The following PPP2R1A variants were observed in gnomAD, a reference collection of about 807,000 sequenced individuals.
PPP2R1A encodes the protein protein phosphatase 2 scaffold subunit Aalpha, also known as serine/threonine-protein phosphatase 2A 65 kDa regulatory subunit A alpha isoform.
Under a neutral mutation model 67.1 loss-of-function variants are expected in PPP2R1A, and 15 were observed. That is an observed-to-expected ratio of 0.22 (90% CI 0.15 to 0.34). The LOEUF (loss-of-function observed/expected upper bound fraction) is 0.34. Among genes scored for constraint, PPP2R1A ranks in the 10% least tolerant of loss-of-function variants. The pLI, the probability that PPP2R1A is intolerant of heterozygous loss-of-function variation, is 1.00. For synonymous variants in PPP2R1A, 337 were observed against 325.0 expected, an observed-to-expected ratio of 1.04 and a Z score of -0.40; for missense variants, 369 against 775.0, an observed-to-expected ratio of 0.48 and a Z score of 6.22.
At chr19:52,203,639 G>T (rs1291267163) in intron 2 of PPP2R1A, among the ~76,000 whole-genome samples, 1 of 152,082 alleles carries the variant, frequency 6.6e-6, no homozygotes, top group East Asian at 1.9e-4. Flanking sequence ...CATATGTCTG[G>T]GTTTTTTTCC....
chr19:52,221,833 G>A (rs1424800903), intron 12 of PPP2R1A, among the ~76,000 whole-genome samples: 1 of 152,158 alleles, frequency 6.6e-6, no homozygotes. Flanking sequence ...TCTCTGGAGA[G>A]CATTGCTTTA....
Position 52,213,258 on chromosome 19 carries a change from C to T in PPP2R1A, c.807+148C>T, listed in dbSNP as rs372335645. The stretch of plus-strand genomic sequence containing the variant: ...TCTCTATGATCATCTAACTGCGTCT[C>T]GCTTCGTGTGCCAATCCTGGTTGAT... On this transcript the variant is annotated intron_variant, in intron 6 of 14. Transcript: ENST00000322088. The surrounding 1 kb of genome is among the most constrained non-coding windows in gnomAD (Gnocchi z 4.2). 1.7e-5 allele frequency: 18 copies of T among 1,065,232 alleles called. No homozygotes were observed. The highest frequency in any genetic ancestry group is 4.2e-5 in the South Asian group (2 of 47,358). 66.0% of individuals were successfully genotyped at this position (1,065,232 alleles called of 1,614,324 possible).
In PPP2R1A at chr19:52,190,135, C is replaced by CG; in HGVS notation, c.40dup (p.Ala14GlyfsTer10). ...ACGGCGACGACTCGCTGTACCCCAT[C>CG]GCGGTGCTCATAGACGAACTCCGCA... On this transcript the variant is annotated frameshift_variant, in exon 1 of 15. Transcript: ENST00000322088. LOFTEE classifies it high-confidence loss of function. 6.4e-7 allele frequency: 1 copy of CG among 1,550,742 alleles called. No individual in the cohort carries two copies.
In PPP2R1A at chr19:52,213,382, G is replaced by T. The variant is rs2089692546; in HGVS notation, c.807+272G>T. ...ACAGGAGCAGAGAAGGGTAGCACAT[G>T]TGGGGTGTTCCTGACATAATCAAGC... On this transcript the variant is annotated intron_variant, in intron 6 of 14. Coordinates refer to ENST00000322088, the MANE Select transcript of PPP2R1A (RefSeq NM_014225.6). The surrounding 1 kb of genome is among the most constrained non-coding windows in gnomAD (Gnocchi z 4.2). Among the ~76,000 whole-genome samples, 1 of 151,352 alleles carries T rather than the reference G, an allele frequency of 6.6e-6. No homozygotes were observed. The highest frequency in any genetic ancestry group is 1.5e-5 in the Non-Finnish European group (1 of 67,910).
At chr19:52,220,109 G>T (rs1261090864) in intron 10 of PPP2R1A, 80 bp from the exon 11 acceptor site, 2 of 1,488,842 alleles carry the variant, frequency 1.3e-6, no homozygotes, top group South Asian at 2.3e-5. Flanking sequence ...GTGGGTGTAG[G>T]TTCCATGGGA....
chr19:52,211,137 T>G lies in PPP2R1A; in HGVS notation c.271-123T>G. On this transcript the variant is annotated intron_variant, in intron 3 of 14. Transcript: ENST00000322088. The surrounding 1 kb of genome is among the most constrained non-coding windows in gnomAD (Gnocchi z 5.3). ...TTTTTAAAGGCTATTTTAATGAAGG[T>G]CGGGATGGGTAATAGGGAAGTTTTC... The G allele has an allele frequency of 1.2e-6, 1 of 822,006 alleles. No homozygotes were observed. Among genetic ancestry groups the G allele is most frequent in the Non-Finnish European group, 1.9e-6 (1 of 528,748 alleles). 50.9% of individuals were successfully genotyped at this position (822,006 alleles called of 1,614,324 possible). A position where few individuals can be genotyped will look rare whatever the true frequency, so the allele number is the denominator to read the frequency against.
intron 1 of PPP2R1A, chr19:52,200,531 G>A (rs1381151362): frequency 1.3e-5 from 2 of 152,246 alleles, no homozygotes; most frequent in Non-Finnish European, 2.9e-5. Flanking sequence ...GATCTATTAT[G>A]TGTGTTAGCC....
intron 6 of PPP2R1A, 57 bp from the exon 7 acceptor site, chr19:52,215,722 A>G: frequency 6.8e-7 from 1 of 1,471,218 alleles, no homozygotes; most frequent in Non-Finnish European, 9.5e-7. Flanking sequence ...TGGCTTCCTT[A>G]GCCCAGAGTA....
intron 1 of PPP2R1A, among the ~76,000 whole-genome samples, chr19:52,191,671 T>G (rs2089455748): frequency 1.3e-5 from 2 of 152,234 alleles, no homozygotes; most frequent in South Asian, 4.1e-4. Flanking sequence ...CTGTTTCCTC[T>G]TCTCTTTAAT....
At position 52,219,207 on chromosome 19, in the gene PPP2R1A, A is replaced by C. The variant is rs1002944720; in HGVS notation, c.1129-484A>C. On this transcript the variant is annotated intron_variant, in intron 9 of 14. Coordinates refer to ENST00000322088, the MANE Select transcript of PPP2R1A (RefSeq NM_014225.6). This position sits in a 1 kb window ranked among gnomAD's most constrained non-coding sequence, Gnocchi z 4.0. ...GGAATGTGCAGGGTTTCAACAGCCC[A>C]AGCCTGCCAGGCTTGTTCACTTGGT... is the stretch of plus-strand genomic sequence containing the variant. Among the ~76,000 whole-genome samples, 7 of 152,236 alleles carry C rather than the reference A, an allele frequency of 4.6e-5. No homozygotes were observed. The highest frequency in any genetic ancestry group is 1.7e-4 in the African/African-American group (7 of 41,466).
chr19:52,195,344 A>G (rs1209177221), intron 1 of PPP2R1A, among the ~76,000 whole-genome samples: 1 of 152,128 alleles, frequency 6.6e-6, no homozygotes, highest in Non-Finnish European at 1.5e-5. Flanking sequence ...CTATTCTCTC[A>G]CTTAACACAA....
chr19:52,202,780 C>T (rs2089564311), intron 2 of PPP2R1A, among the ~76,000 whole-genome samples: 1 of 152,234 alleles, frequency 6.6e-6, no homozygotes, highest in African/African-American at 2.4e-5. Flanking sequence ...TTTACATCTG[C>T]CTGCTTCAGA....
chr19:52,199,431 G>C (rs181839421), intron 1 of PPP2R1A, among the ~76,000 whole-genome samples: 1 of 151,606 alleles, frequency 6.6e-6, no homozygotes, highest in Non-Finnish European at 1.5e-5. Context: ...GGCCTCCCAA[G>C]GTGCTGGGAT....
intron 1 of PPP2R1A, among the ~76,000 whole-genome samples, chr19:52,194,843 T>C (rs2089484020): frequency 6.6e-6 from 1 of 152,118 alleles, no homozygotes; most frequent in Admixed American, 6.5e-5. Flanking sequence ...GGTAGTCATA[T>C]GGTGGGGATT....
chr19:52,217,506 A>G (rs554202259), intron 9 of PPP2R1A, among the ~76,000 whole-genome samples: 2 of 152,320 alleles, frequency 1.3e-5, no homozygotes, highest in South Asian at 2.1e-4. Flanking sequence ...GCCTAGAATA[A>G]GAGTTTTGAT....
intron 1 of PPP2R1A, among the ~76,000 whole-genome samples, chr19:52,192,191 TAAG>T (rs2089460044): frequency 1.3e-5 from 2 of 152,208 alleles, no homozygotes; most frequent in South Asian, 4.2e-4. Context: ...AGATCCATTT[TAAG>T]AAGGCCAATC....
At chr19:52,200,329 G>A (rs1404558728) in intron 1 of PPP2R1A, 3 of 152,252 alleles carry the variant, frequency 2.0e-5, no homozygotes, top group Admixed American at 2.0e-4. Context: ...AATGAGGGGA[G>A]AGTTTCACAG....
intron 2 of PPP2R1A, among the ~76,000 whole-genome samples, chr19:52,203,557 T>C (rs1243812266): frequency 6.6e-6 from 1 of 152,202 alleles, no homozygotes; most frequent in African/African-American, 2.4e-5. Context: ...TCGGGGTGTG[T>C]AGGGAAAACT....
rs943359820 is a variant in PPP2R1A at position 52,221,361 on chromosome 19, A to G, written c.1518+228A>G. Among the ~76,000 whole-genome samples, 3 of 152,172 alleles carry G rather than the reference A, an allele frequency of 2.0e-5. No individual in the cohort carries two copies. In the East Asian group the frequency reaches 5.8e-4, roughly 29 times the overall value. On this transcript the variant is annotated intron_variant, in intron 12 of 14. Transcript: ENST00000322088. ...TGGGGACTTGGATGGTGAGGGACCCAGGGCCTGGGAGACTTGACCTGTTGG... is the reference window on the plus strand; with the variant it reads ...TGGGGACTTGGATGGTGAGGGACCCGGGGCCTGGGAGACTTGACCTGTTGG...
Sources: allele counts gnomAD v4.1 joint callset (sites outside exome capture counted in the v4.1 genomes callset), GRCh38; gene constraint gnomAD v4.1.1; non-coding constraint Gnocchi (gnomAD v3.1); transcripts MANE v1.5; gene names NCBI Gene and HGNC (gene_info 2026-07-23, HGNC 2026-07-21).